Variants in DNAH9 observed in about 807,000 individuals in gnomAD.
DNAH9 encodes dynein axonemal heavy chain 9, also known as DNAH9 variant protein.
DNAH9 carries 345 observed loss-of-function variants against 471.6 expected under a neutral mutation model. That is an observed-to-expected ratio of 0.73 (90% CI 0.67 to 0.80). The LOEUF is 0.80. Ranked by LOEUF, DNAH9 falls within the 30% of genes least tolerant of loss-of-function variation. DNAH9 has a pLI of 0.00. For synonymous variants in DNAH9, 2,093 were observed against 2,123.6 expected (o/e 0.99, Z 0.40); for missense variants, 5,407 against 5,609.2 (o/e 0.96, Z 1.15).
At chr17:11,698,946 G>C (rs191937134) in intron 22 of DNAH9, among the ~76,000 whole-genome samples, 22 of 151,994 alleles carry the variant, frequency 1.4e-4, no homozygotes, top group Non-Finnish European at 2.8e-4. Flanking sequence ...GAACTGAAGA[G>C]GTTTCAAGAA....
At chr17:11,731,887 T>C (rs976184173) in intron 28 of DNAH9, among the ~76,000 whole-genome samples, 17 of 152,192 alleles carry the variant, frequency 1.1e-4, no homozygotes, top group African/African-American at 1.7e-4. Flanking sequence ...TATAGCAGCA[T>C]GATTTATAAT....
In DNAH9 at chr17:11,658,626, C is replaced by T. The variant is rs2073697958; in HGVS notation, c.2595+5624C>T. 1.3e-5 allele frequency among the ~76,000 whole-genome samples: 2 copies of T among 151,968 alleles called. 1 individual carries two copies. The highest frequency in any genetic ancestry group is 4.2e-4 in the South Asian group (2 of 4,802). On this transcript the variant is annotated intron_variant, in intron 14 of 68. Coordinates refer to ENST00000262442, the MANE Select transcript of DNAH9 (RefSeq NM_001372.4). ...TGGTAATTCACCATTAAATTTTTAG[C>T]TGTAGGGTTTCATGGATGTTCTTTG...
intron 28 of DNAH9, among the ~76,000 whole-genome samples, chr17:11,736,668 T>G (rs530294479): frequency 1.4e-4 from 22 of 152,314 alleles, no homozygotes; most frequent in Non-Finnish European, 2.2e-4. Context: ...GCTCCAACAT[T>G]AACTGCATCT....
intron 61 of DNAH9, among the ~76,000 whole-genome samples, chr17:11,917,619 T>G (rs1410014968): frequency 6.6e-6 from 1 of 152,268 alleles, no homozygotes; most frequent in Non-Finnish European, 1.5e-5. Flanking sequence ...TGTTTATTTC[T>G]GCTTTTGCTT....
chr17:11,850,474 C>A (rs1022475400), intron 49 of DNAH9, among the ~76,000 whole-genome samples: 2 of 152,136 alleles, frequency 1.3e-5, no homozygotes, highest in Non-Finnish European at 2.9e-5. Context: ...CATAATGAAA[C>A]CCTGTCTCTA....
chr17:11,781,364 A>G (rs953678328), intron 39 of DNAH9, among the ~76,000 whole-genome samples, 190 bp downstream of exon 39: 3 of 152,248 alleles, frequency 2.0e-5, no homozygotes, highest in Non-Finnish European at 4.4e-5. Flanking sequence ...CAGGAGCACT[A>G]ATATTCACAT....
In DNAH9 at chr17:11,755,161, A is replaced by C. The variant is rs139541440; in HGVS notation, c.6739-1407A>C. On this transcript the variant is annotated intron_variant, in intron 33 of 68. Transcript: ENST00000262442. ...GTGTGGCCTTATTTCTGGGCTCTCT[A>C]TTCTGTTCCATTGATCTATGTGTCT... Among the ~76,000 whole-genome samples the C allele has an allele frequency of 5.1e-3, 774 of 152,168 alleles. 4 individuals carry two copies. Among genetic ancestry groups the C allele is most frequent in the African/African-American group, 0.018 (757 of 41,500 alleles).
chr17:11,789,997 A>G (rs1174502151), intron 41 of DNAH9, among the ~76,000 whole-genome samples: 2 of 151,972 alleles, frequency 1.3e-5, no homozygotes, highest in Non-Finnish European at 2.9e-5. Flanking sequence ...GAGATTATCT[A>G]GTTATCTTTC....
chr17:11,814,084 C>T (rs1037683401), intron 45 of DNAH9, among the ~76,000 whole-genome samples: 2 of 152,126 alleles, frequency 1.3e-5, no homozygotes, highest in Non-Finnish European at 2.9e-5. Context: ...TCATTACTGG[C>T]TATGTTCTTA....
chr17:11,763,919 T>C (rs976421504), intron 36 of DNAH9, among the ~76,000 whole-genome samples: 4 of 152,198 alleles, frequency 2.6e-5, no homozygotes, highest in African/African-American at 9.6e-5. Context: ...ATATATGCAC[T>C]ACTTTGCCAG....
At chr17:11,886,719 T>A in intron 56 of DNAH9, 106 bp from the exon 57 acceptor site, 1 of 1,398,130 alleles carries the variant, frequency 7.2e-7, no homozygotes, top group Non-Finnish European at 9.6e-7. Context: ...CCCTCTTCAC[T>A]CCATCCCCTA....
Position 11,751,088 on chromosome 17 carries a change from T to G in DNAH9, c.6611-1745T>G, listed in dbSNP as rs182258799. Among the ~76,000 whole-genome samples, 41 of 152,070 alleles carry G rather than the reference T, an allele frequency of 2.7e-4. No homozygotes were observed. In the South Asian group the frequency reaches 4.6e-3, roughly 17 times the overall value. ...AGTAAAGTAGAAGAAAATATTTAAT[T>G]GATGACACATACTTGAAAAACTAAA... On this transcript the variant is annotated intron_variant, in intron 32 of 68. Coordinates refer to ENST00000262442, the MANE Select transcript of DNAH9 (RefSeq NM_001372.4).
At chr17:11,847,569 G>T (rs1348164655) in intron 49 of DNAH9, among the ~76,000 whole-genome samples, 2 of 151,932 alleles carry the variant, frequency 1.3e-5, no homozygotes, top group African/African-American at 2.4e-5. Context: ...CCATTGGTCT[G>T]GTCTATGTGT....
chr17:11,622,847 TGA>T (rs1183856067), intron 6 of DNAH9, among the ~76,000 whole-genome samples: 1 of 152,170 alleles, frequency 6.6e-6, no homozygotes, highest in Admixed American at 6.5e-5. Flanking sequence ...GAGGATGACA[TGA>T]GTGTCACCAA....
At chr17:11,852,470 C>A (rs1971457575) in intron 49 of DNAH9, among the ~76,000 whole-genome samples, 1 of 152,020 alleles carries the variant, frequency 6.6e-6, no homozygotes, top group Non-Finnish European at 1.5e-5. Context: ...TGGCGGATCC[C>A]CTTGTGGCTC....
chr17:11,899,202 A>G (rs1368889951), intron 59 of DNAH9, among the ~76,000 whole-genome samples: 2 of 150,330 alleles, frequency 1.3e-5, no homozygotes, highest in Non-Finnish European at 3.0e-5. Flanking sequence ...AAATTTAAGC[A>G]TTGTATCTCG....
intron 19 of DNAH9, among the ~76,000 whole-genome samples, chr17:11,682,006 G>A (rs1465368295): frequency 6.6e-6 from 1 of 152,148 alleles, no homozygotes; most frequent in Admixed American, 6.5e-5. Flanking sequence ...ATTCTTGAAA[G>A]TGTGTAGCAC....
At position 11,781,181 on chromosome 17, in the gene DNAH9, G is replaced by A. The variant is rs1014650018; in HGVS notation, c.7718+7G>A. ...ATCTGGACTATGGCCACTGGTAAGAGCGCCCATGTAGAGGGACTGGCCCAA... is the reference window on the plus strand; with the variant it reads ...ATCTGGACTATGGCCACTGGTAAGAACGCCCATGTAGAGGGACTGGCCCAA... On this transcript the variant is annotated splice_region_variant and intron_variant, in intron 39 of 68. Coordinates refer to ENST00000262442, the MANE Select transcript of DNAH9 (RefSeq NM_001372.4). 1 of 1,613,454 alleles carries A rather than the reference G, an allele frequency of 6.2e-7. No homozygotes were observed. Among genetic ancestry groups the A allele is most frequent in the Non-Finnish European group, 8.5e-7 (1 of 1,179,616 alleles).
At chr17:11,599,000 G>C (rs2072326845) in intron 1 of DNAH9, 85 bp downstream of exon 1, 2 of 1,090,234 alleles carry the variant, frequency 1.8e-6, no homozygotes, top group African/African-American at 3.4e-5. Flanking sequence ...CGGGGCCAGA[G>C]GGGGCGGGGC....
Sources: gnomAD v4.1 joint callset for allele counts (sites outside exome capture counted in the v4.1 genomes callset) on GRCh38, gnomAD v4.1.1 for gene constraint, MANE v1.5 for transcripts, NCBI Gene and HGNC (gene_info 2026-07-23, HGNC 2026-07-21) for gene names.